NR1I2: variants seen among roughly 807,000 people sequenced by gnomAD.
NR1I2 encodes the protein orphan nuclear receptor PAR1.
In NR1I2, 42 loss-of-function variants were observed where a neutral mutation model predicts 43.3. The observed-to-expected ratio is 0.97, with a 90% CI of 0.76 to 1.26. The LOEUF (loss-of-function observed/expected upper bound fraction) is 1.26, where lower values mean the gene tolerates loss of function less well. Ranked by LOEUF, NR1I2 falls within the 50% of genes most tolerant of loss-of-function variation. The pLI is 0.00. For missense variants in NR1I2, 559 were observed against 566.7 expected, an observed-to-expected ratio of 0.99 and a Z score of 0.14; for synonymous variants, 229 against 215.0, an observed-to-expected ratio of 1.06 and a Z score of -0.57.
chr3:119,800,506 C>T (rs927839305), intron 1 of NR1I2, among the ~76,000 whole-genome samples: 2 of 152,170 alleles, frequency 1.3e-5, no homozygotes, highest in African/African-American at 2.4e-5. Flanking sequence ...TCACAGTTCT[C>T]CTTTGAAGCT....
At position 119,807,297 on chromosome 3, in the gene NR1I2, A is replaced by C. The variant is rs781531379; in HGVS notation, c.47A>C (p.His16Pro). ...AGCTGGAACCATGCTGACTTTGTAC[A>C]CTGTGAGGACACAGAGTCTGTTCCT... is the stretch of plus-strand genomic sequence containing the variant. Residue 16 changes from histidine to proline, a missense_variant, in exon 2 of 9, where the codon CAC (histidine) becomes CCC (proline). Physicochemically the swap from His to Pro is moderately conservative, Grantham distance 77 (BLOSUM62 -2). Transcript: ENST00000393716. 9.3e-6 allele frequency: 15 copies of C among 1,614,104 alleles called. No individual in the cohort carries two copies. The highest frequency in any genetic ancestry group is 1.3e-5 in the African/African-American group (1 of 74,936).
Position 119,817,161 on chromosome 3 carries a change from C to G in NR1I2, c.1254C>G (p.His418Gln). 1 of 1,614,218 alleles carries G rather than the reference C, an allele frequency of 6.2e-7. No homozygotes were observed. The highest frequency in any genetic ancestry group is 1.3e-5 in the African/African-American group (1 of 75,058). The change falls in exon 9 of 9, where the codon CAC (histidine) becomes CAG (glutamine). Residue 418 changes from histidine (H) to glutamine (Q), a missense_variant. Transcript: ENST00000393716. The stretch of plus-strand genomic sequence containing the variant: ...GGCTGCTGCGCATCCAGGACATACA[C>G]CCCTTTGCTACGCCCCTCATGCAGG...
intron 1 of NR1I2, among the ~76,000 whole-genome samples, chr3:119,787,024 ATGCCTG>A (rs1345497425): frequency 2.0e-5 from 3 of 152,178 alleles, no homozygotes; most frequent in African/African-American, 7.2e-5. Context: ...ATGGTGGATC[ATGCCTG>A]TAATCCCAGC....
At chr3:119,792,216 C>G in intron 1 of NR1I2, 1 of 1,498,766 alleles carries the variant, frequency 6.7e-7, no homozygotes, top group Non-Finnish European at 9.2e-7. Context: ...AGTGGTGGCT[C>G]GCTTTGATGC....
intron 1 of NR1I2, chr3:119,792,439 G>C (rs1168911223): frequency 9.3e-6 from 11 of 1,177,228 alleles, no homozygotes; most frequent in Admixed American, 1.8e-5. Context: ...GGGACGGCCT[G>C]ATGGAGCTGT....
intron 1 of NR1I2, among the ~76,000 whole-genome samples, chr3:119,793,597 C>G (rs927660591): frequency 3.9e-5 from 6 of 152,196 alleles, no homozygotes; most frequent in African/African-American, 1.4e-4. Flanking sequence ...GACCCTTTTT[C>G]CACATTACGT....
At position 119,817,235 on chromosome 3, in the gene NR1I2, T is replaced by G; in HGVS notation, c.*23T>G. ...TGAGCGGCTGCCCTTGGGTGACACC[T>G]CCGAGAGGCAGCCAGACCCAGAGCC... On this transcript the variant is annotated 3_prime_UTR_variant, in exon 9 of 9. Transcript: ENST00000393716. The G allele has an allele frequency of 6.2e-7, 1 of 1,612,386 alleles. No homozygotes were observed. The highest frequency in any genetic ancestry group is 8.5e-7 in the Non-Finnish European group (1 of 1,179,924).
chr3:119,804,734 C>T (rs2055127722), intron 1 of NR1I2, among the ~76,000 whole-genome samples: 1 of 152,078 alleles, frequency 6.6e-6, no homozygotes, highest in African/African-American at 2.4e-5. Flanking sequence ...GTATGAGCCA[C>T]CGCACCCAGC....
In NR1I2 at chr3:119,812,611, T is replaced by A; in HGVS notation, c.520-75T>A. ...GCAACTGTGGCTGTGCATGTTTGGC[T>A]GGGGCCTGAGTTGGGACCTGTCTAT... On this transcript the variant is annotated intron_variant, in intron 4 of 8. Transcript: ENST00000393716. 2 of 1,579,848 alleles carry A rather than the reference T, an allele frequency of 1.3e-6. 1 individual carries two copies. The highest frequency in any genetic ancestry group is 4.5e-4 in the Middle Eastern group (2 of 4,432).
At chr3:119,814,626 G>A (rs1447203028) in intron 5 of NR1I2, among the ~76,000 whole-genome samples, 1 of 152,230 alleles carries the variant, frequency 6.6e-6, no homozygotes, top group Non-Finnish European at 1.5e-5. Flanking sequence ...GGGAAACTGA[G>A]GCAGAAAGGA....
chr3:119,814,892 A>C (rs2055296223), intron 5 of NR1I2, 87 bp from the exon 6 acceptor site: 2 of 1,565,382 alleles, frequency 1.3e-6, no homozygotes, highest in Non-Finnish European at 1.8e-6. Flanking sequence ...TCTCGCCCCC[A>C]ACTTCTGGAT....
rs1216033567 is a variant in NR1I2 at position 119,811,692 on chromosome 3, T to G, written c.485T>G (p.Phe162Cys). The change falls in exon 4 of 9, where the codon TTT (phenylalanine) becomes TGT (cysteine). Residue 162 changes from phenylalanine to cysteine, a missense_variant. By Grantham distance (205) the Phe-to-Cys change is radical (BLOSUM62 -2). This residue lies in a region of NR1I2 where 232 missense variants were observed against 236.6 expected (regional missense o/e 0.98). Transcript: ENST00000393716. ...CTGATGGACGCTCAGATGAAAACCT[T>G]TGACACTACCTTCTCCCATTTCAAG... 1 of 1,613,124 alleles carries G rather than the reference T, an allele frequency of 6.2e-7. No individual in the cohort carries two copies.
At chr3:119,814,857 G>A in intron 5 of NR1I2, 122 bp from the exon 6 acceptor site, 1 of 1,242,624 alleles carries the variant, frequency 8.0e-7, no homozygotes, top group Non-Finnish European at 1.1e-6. Flanking sequence ...TCATCCTCAG[G>A]GAAAGGAGCC....
chr3:119,787,216 A>G (rs2054854144), intron 1 of NR1I2, among the ~76,000 whole-genome samples: 1 of 151,914 alleles, frequency 6.6e-6, no homozygotes, highest in Non-Finnish European at 1.5e-5. Context: ...TGAACCCAGA[A>G]GGTGGAGGTT....
chr3:119,808,922 A>G (rs980749012), intron 2 of NR1I2, among the ~76,000 whole-genome samples: 10 of 152,242 alleles, frequency 6.6e-5, no homozygotes, highest in African/African-American at 2.2e-4. Flanking sequence ...TTGATGTAGC[A>G]TCAGAGTTTT....
At chr3:119,784,184 G>A (rs954236000) in intron 1 of NR1I2, among the ~76,000 whole-genome samples, 2 of 152,158 alleles carry the variant, frequency 1.3e-5, no homozygotes, top group Non-Finnish European at 2.9e-5. Context: ...AGCAGAGAAG[G>A]ATAGTTACTG....
intron 1 of NR1I2, chr3:119,792,545 C>T: frequency 3.0e-6 from 3 of 986,000 alleles, no homozygotes. Flanking sequence ...CCTCCAGCTG[C>T]CCCAGTGAGG....
intron 8 of NR1I2, among the ~76,000 whole-genome samples, chr3:119,816,488 A>G (rs999997273): frequency 6.6e-6 from 1 of 152,136 alleles, no homozygotes; most frequent in African/African-American, 2.4e-5. Flanking sequence ...GGTAGCTGCA[A>G]TATCTACATT....
chr3:119,805,725 AAAG>A (rs1577280238), intron 1 of NR1I2, among the ~76,000 whole-genome samples: 1 of 128,044 alleles, frequency 7.8e-6, no homozygotes, highest in Non-Finnish European at 1.7e-5. Flanking sequence ...ACCAAAAAAA[AAAG>A]AAAAGAAAAG....
Sources: allele counts gnomAD v4.1 joint callset (sites outside exome capture counted in the v4.1 genomes callset), GRCh38; gene constraint gnomAD v4.1.1; regional missense constraint gnomAD v4.1.1; transcripts MANE v1.5; gene names NCBI Gene and HGNC (gene_info 2026-07-23, HGNC 2026-07-21).